The following PTPRN2 variants were observed in gnomAD, a reference collection of about 807,000 sequenced individuals.
PTPRN2 encodes receptor-type tyrosine-protein phosphatase N2.
A neutral mutation model predicts 118.8 loss-of-function variants in PTPRN2; 74 were observed. That is an observed-to-expected ratio of 0.62 (90% CI 0.52 to 0.76). PTPRN2 has a LOEUF of 0.76. PTPRN2 is among the 30% of genes least tolerant of loss of function. The pLI, the probability that PTPRN2 is intolerant of heterozygous loss-of-function variation, is 0.00. For synonymous variants in PTPRN2, 641 were observed against 608.0 expected (o/e 1.05, Z -0.80); for missense variants, 1,481 against 1,394.4 (o/e 1.06, Z -0.99).
chr7:157,646,054 C>A (rs1805050029), intron 14 of PTPRN2, among the ~76,000 whole-genome samples: 1 of 152,336 alleles, frequency 6.6e-6, no homozygotes, highest in Admixed American at 6.5e-5. Flanking sequence ...GCCTGTACCC[C>A]AAAACCCCAA....
chr7:157,894,150 G>A (rs1384007856), intron 12 of PTPRN2, among the ~76,000 whole-genome samples: 4 of 152,182 alleles, frequency 2.6e-5, no homozygotes, highest in African/African-American at 9.7e-5. Flanking sequence ...AGGGACCCTC[G>A]CACACGCACA....
chr7:158,120,765 G>A (rs560850433), intron 9 of PTPRN2, among the ~76,000 whole-genome samples: 88 of 152,332 alleles, frequency 5.8e-4, no homozygotes, highest in African/African-American at 2.0e-3. Flanking sequence ...AGGGCCATCT[G>A]AACAGCTTGT....
At chr7:158,353,445 C>G (rs1808161244) in intron 2 of PTPRN2, among the ~76,000 whole-genome samples, 1 of 152,184 alleles carries the variant, frequency 6.6e-6, no homozygotes, top group Non-Finnish European at 1.5e-5. Context: ...ACTTGTCATA[C>G]ACACCTAAAA....
At chr7:157,797,371 T>A (rs1585494020) in intron 12 of PTPRN2, among the ~76,000 whole-genome samples, 1 of 152,194 alleles carries the variant, frequency 6.6e-6, no homozygotes, top group South Asian at 2.1e-4. Flanking sequence ...CTGAGGGTGA[T>A]ATTTACACCT....
intron 11 of PTPRN2, among the ~76,000 whole-genome samples, chr7:158,032,841 T>C (rs764581978): frequency 1.6e-4 from 25 of 152,244 alleles, no homozygotes; most frequent in African/African-American, 5.5e-4. Flanking sequence ...ACATCTTCCA[T>C]GCCTCCAGGT....
rs1801473267 is a variant in PTPRN2, at chr7:157,598,425, G to A, written c.2419-3110C>T. On this transcript the variant is annotated intron_variant, in intron 16 of 22. Transcript: ENST00000389418. The surrounding 1 kb of genome is among the most constrained non-coding windows in gnomAD (Gnocchi z 5.2). ...AGCTCAGGGAGTGAGGAGCTTGGAC[G>A]TCGGCGTCTCCGGGCCTCAGTCTCC... Among the ~76,000 whole-genome samples, 1 of 150,058 alleles carries A rather than the reference G, an allele frequency of 6.7e-6. No homozygotes were observed. Among genetic ancestry groups the A allele is most frequent in the Non-Finnish European group, 1.5e-5 (1 of 67,906 alleles).
In PTPRN2 at chr7:158,587,539, C is replaced by T; in HGVS notation, c.112+19G>A. 3.2e-6 allele frequency: 4 copies of T among 1,265,770 alleles called. No individual in the cohort carries two copies. Among genetic ancestry groups the T allele is most frequent in the Non-Finnish European group, 4.0e-6 (4 of 1,007,098 alleles). The allele number at this position is 1,265,770 out of a possible 1,614,324, so 78.4% of individuals were successfully genotyped here. On this transcript the variant is annotated intron_variant, in intron 1 of 22. Coordinates refer to ENST00000389418, the MANE Select transcript of PTPRN2 (RefSeq NM_002847.5). ...AACTAATTCATTGAGGCGCCCCTCC[C>T]CCGGCGCCCCCCACTCACCCAGACG...
chr7:158,524,430 T>C lies in PTPRN2; in HGVS notation c.113-34645A>G, dbSNP rs1348717238. ...CCCTGGAGCGGAGTCTGCCCTGGAG[T>C]GGAGTCGTCTACCCTGGAGCGGAGT... On this transcript the variant is annotated intron_variant, in intron 1 of 22. Transcript: ENST00000389418. 6.0e-4 allele frequency among the ~76,000 whole-genome samples: 60 copies of C among 99,224 alleles called. 2 individuals are homozygous for C. The highest frequency in any genetic ancestry group is 3.8e-3 in the East Asian group (11 of 2,860). The allele number at this position is 99,224 out of a possible 152,430, so 65.1% of individuals were successfully genotyped here. A position where few individuals can be genotyped will look rare whatever the true frequency, so the allele number is the denominator to read the frequency against.
chr7:158,153,542 G>T (rs367686452), intron 6 of PTPRN2, among the ~76,000 whole-genome samples: 1 of 152,128 alleles, frequency 6.6e-6, no homozygotes. Flanking sequence ...TTTGAGCAGC[G>T]GGGCACTGAA....
intron 12 of PTPRN2, among the ~76,000 whole-genome samples, chr7:157,751,724 T>C (rs754815062): frequency 6.6e-6 from 1 of 152,050 alleles, no homozygotes; most frequent in Non-Finnish European, 1.5e-5. Context: ...TCAAGGCTGA[T>C]GGAGCCGCGC....
rs1163879329 is a variant in PTPRN2 at position 157,587,185 on chromosome 7, T to C, written c.2496+8053A>G. On this transcript the variant is annotated intron_variant, in intron 17 of 22. Transcript: ENST00000389418. The surrounding 1 kb of genome is among the most constrained non-coding windows in gnomAD (Gnocchi z 5.3). ...CAGGCAGACAGACAAGACAGGCAGA[T>C]AGAGACAAGACAGGCAGGCAGACAG... 7.1e-6 allele frequency among the ~76,000 whole-genome samples: 1 copy of C among 140,848 alleles called. No homozygotes were observed. The highest frequency in any genetic ancestry group is 2.5e-5 in the African/African-American group (1 of 40,026). 92.4% of individuals were successfully genotyped at this position (140,848 alleles called of 152,430 possible).
chr7:158,055,111 G>A (rs989971756), intron 11 of PTPRN2, among the ~76,000 whole-genome samples: 8 of 152,160 alleles, frequency 5.3e-5, no homozygotes, highest in Admixed American at 4.6e-4. Flanking sequence ...GATTATATAT[G>A]AATATCATTC....
chr7:158,521,614 G>C (rs56863099), intron 1 of PTPRN2, among the ~76,000 whole-genome samples: 16,927 of 33,390 alleles, frequency 0.51, 4,220 homozygotes, highest in Middle Eastern at 0.6. Context: ...TGTCCAGGTA[G>C]TGGCTCAGGA....
intron 12 of PTPRN2, among the ~76,000 whole-genome samples, chr7:157,710,641 C>T (rs921226363): frequency 1.3e-5 from 2 of 152,146 alleles, no homozygotes; most frequent in Non-Finnish European, 2.9e-5. Context: ...GGGGGGACAT[C>T]TCTTCCGGAG....
chr7:157,855,338 A>G (rs540169393), intron 12 of PTPRN2, among the ~76,000 whole-genome samples: 3 of 152,334 alleles, frequency 2.0e-5, no homozygotes, highest in African/African-American at 4.8e-5. Flanking sequence ...ACAGACTCAA[A>G]CACCTGAGCA....
chr7:157,584,643 G>C (rs1158780674), intron 17 of PTPRN2, among the ~76,000 whole-genome samples: 2 of 152,246 alleles, frequency 1.3e-5, no homozygotes, highest in East Asian at 3.8e-4. Context: ...GCTCATTTCT[G>C]TTGTGAGCGT....
At position 158,080,298 on chromosome 7, in the gene PTPRN2, A is replaced by C. The variant is rs192002916; in HGVS notation, c.1723+1000T>G. On this transcript the variant is annotated intron_variant, in intron 11 of 22. Transcript: ENST00000389418. ...TTGCTGCATTTTACACTGGGAAAAA[A>C]AGACACAAATTTAAGCAAAAAAAAA... Among the ~76,000 whole-genome samples the C allele has an allele frequency of 7.5e-4, 111 of 147,376 alleles. No homozygotes were observed. In the East Asian group the frequency reaches 0.017, roughly 23 times the overall value.
intron 12 of PTPRN2, among the ~76,000 whole-genome samples, chr7:157,806,578 A>C (rs948648424): frequency 1.2e-4 from 18 of 152,156 alleles, no homozygotes; most frequent in Non-Finnish European, 4.4e-5. Context: ...GTATACATGT[A>C]TATGCGTGTA....
At chr7:158,161,791 T>G (rs6969761) in intron 6 of PTPRN2, among the ~76,000 whole-genome samples, 39,083 of 119,420 alleles carry the variant, frequency 0.33, 7,058 homozygotes, top group African/African-American at 0.59. Flanking sequence ...AGAATGAAAA[T>G]ACAAGCCACA....
Sources: gnomAD v4.1 joint callset for allele counts (sites outside exome capture counted in the v4.1 genomes callset) on GRCh38, gnomAD v4.1.1 for gene constraint, Gnocchi (gnomAD v3.1) non-coding constraint, MANE v1.5 for transcripts, NCBI Gene and HGNC (gene_info 2026-07-23, HGNC 2026-07-21) for gene names.